The following TNIK variants were observed in gnomAD, a reference collection of about 807,000 sequenced individuals.
The protein encoded by TNIK is TRAF2 and NCK-interacting protein kinase.
A neutral mutation model predicts 191.3 loss-of-function variants in TNIK; 49 were observed. The ratio of observed to expected loss-of-function variants is 0.26; its 90% CI spans 0.20 to 0.32. The LOEUF is 0.32. Among genes scored for constraint, TNIK ranks in the 10% least tolerant of loss-of-function variants. The pLI is 1.00. For synonymous variants in TNIK, 594 were observed against 600.9 expected (o/e 0.99, Z 0.17); for missense variants, 1,155 against 1,702.3 (o/e 0.68, Z 5.66).
intron 18 of TNIK, among the ~76,000 whole-genome samples, chr3:171,113,522 C>T (rs1401408715): frequency 1.3e-5 from 2 of 151,260 alleles, no homozygotes; most frequent in Non-Finnish European, 2.9e-5. Context: ...AGGAGAATGG[C>T]GTGAATCCAG....
At chr3:171,422,030 A>G (rs1303781013) in intron 1 of TNIK, among the ~76,000 whole-genome samples, 2 of 152,160 alleles carry the variant, frequency 1.3e-5, no homozygotes, top group African/African-American at 4.8e-5. Flanking sequence ...ACGCCCGACC[A>G]GTTGTGTAAA....
At chr3:171,097,490 A>G (rs750209525) in intron 22 of TNIK, among the ~76,000 whole-genome samples, 4 of 152,306 alleles carry the variant, frequency 2.6e-5, no homozygotes, top group South Asian at 2.1e-4. Flanking sequence ...TAATCCCACG[A>G]CATGGGAGTG....
chr3:171,258,880 C>T (rs1019756713), intron 2 of TNIK, among the ~76,000 whole-genome samples: 1 of 152,108 alleles, frequency 6.6e-6, no homozygotes, highest in African/African-American at 2.4e-5. Context: ...TAATTTACTC[C>T]TTGGACTGCT....
At chr3:171,110,209 AATAT>A (rs1479205605) in intron 19 of TNIK, among the ~76,000 whole-genome samples, 6 of 152,212 alleles carry the variant, frequency 3.9e-5, no homozygotes, top group Non-Finnish European at 8.8e-5. Flanking sequence ...ACTCGGCCTA[AATAT>A]GCTTTTTAAG....
intron 1 of TNIK, among the ~76,000 whole-genome samples, chr3:171,382,487 C>T (rs1718178195): frequency 6.6e-6 from 1 of 152,154 alleles, no homozygotes; most frequent in South Asian, 2.1e-4. Flanking sequence ...TCCCAAAGTG[C>T]TGGGATTATA....
chr3:171,310,111 CCTA>C (rs67425738), intron 2 of TNIK, among the ~76,000 whole-genome samples: 54,789 of 151,760 alleles, frequency 0.36, 10,438 homozygotes, highest in Non-Finnish European at 0.42. Flanking sequence ...TTATAACATA[CCTA>C]CTTTTTTAAA....
At chr3:171,171,335 C>T (rs1735254619) in intron 9 of TNIK, among the ~76,000 whole-genome samples, 1 of 152,148 alleles carries the variant, frequency 6.6e-6, no homozygotes, top group Non-Finnish European at 1.5e-5. Context: ...AAAAGTCTGA[C>T]AACCCACCAA....
intron 7 of TNIK, among the ~76,000 whole-genome samples, chr3:171,181,515 G>A (rs1010633056): frequency 6.6e-5 from 10 of 152,264 alleles, no homozygotes; most frequent in East Asian, 1.9e-4. Flanking sequence ...CTGACTCCCC[G>A]ACAGCTAAGG....
At chr3:171,379,532 C>T (rs1205293557) in intron 1 of TNIK, among the ~76,000 whole-genome samples, 1 of 152,076 alleles carries the variant, frequency 6.6e-6, no homozygotes, top group Non-Finnish European at 1.5e-5. Flanking sequence ...ATGCACAAGC[C>T]CCAACTGTGT....
intron 1 of TNIK, among the ~76,000 whole-genome samples, chr3:171,424,095 G>A (rs951175853): frequency 8.5e-5 from 13 of 152,102 alleles, no homozygotes; most frequent in Admixed American, 1.3e-4. Context: ...CTGACAAAGG[G>A]CTAATATCCA....
intron 2 of TNIK, among the ~76,000 whole-genome samples, chr3:171,277,956 G>A (rs1415290964): frequency 6.6e-6 from 1 of 152,170 alleles, no homozygotes; most frequent in African/African-American, 2.4e-5. Flanking sequence ...TTGAGCCCAG[G>A]ATTAGAGGCT....
At chr3:171,257,637 T>C (rs138192224) in intron 2 of TNIK, among the ~76,000 whole-genome samples, 195 of 152,302 alleles carry the variant, frequency 1.3e-3, no homozygotes, top group African/African-American at 4.5e-3. Flanking sequence ...TGAGAACCCA[T>C]GCCACTTTCA....
intron 21 of TNIK, chr3:171,101,855 TAGACTG>T (rs913032564): frequency 7.7e-6 from 4 of 518,770 alleles, no homozygotes; most frequent in African/African-American, 5.8e-5. Context: ...AACCAATAGC[TAGACTG>T]AGACTGTTCA....
intron 2 of TNIK, among the ~76,000 whole-genome samples, chr3:171,272,378 A>G (rs1157076634): frequency 2.0e-5 from 3 of 152,244 alleles, no homozygotes; most frequent in South Asian, 2.1e-4. Context: ...CATTTAAATT[A>G]TGAGCTAGAG....
intron 2 of TNIK, among the ~76,000 whole-genome samples, chr3:171,254,879 G>A (rs1746656254): frequency 6.6e-6 from 1 of 152,166 alleles, no homozygotes; most frequent in African/African-American, 2.4e-5. Flanking sequence ...ATTTTTCACA[G>A]TTTTTGAATA....
intron 2 of TNIK, among the ~76,000 whole-genome samples, chr3:171,300,062 T>C (rs948606881): frequency 1.3e-5 from 2 of 152,256 alleles, no homozygotes; most frequent in Non-Finnish European, 2.9e-5. Context: ...TCAGGAATTG[T>C]GTGAGAAAGA....
At chr3:171,331,871 G>C (rs1266060583) in intron 2 of TNIK, among the ~76,000 whole-genome samples, 1 of 152,026 alleles carries the variant, frequency 6.6e-6, no homozygotes, top group Non-Finnish European at 1.5e-5. Flanking sequence ...GCTATCTCGT[G>C]ATAATATATG....
At position 171,431,318 on chromosome 3, in the gene TNIK, C is replaced by T. The variant is rs149278879; in HGVS notation, c.57+28689G>A. Among the ~76,000 whole-genome samples the T allele has an allele frequency of 2.3e-3, 344 of 152,128 alleles. 2 individuals carry two copies. The highest frequency in any genetic ancestry group is 7.7e-3 in the African/African-American group (318 of 41,514). On this transcript the variant is annotated intron_variant, in intron 1 of 32. Coordinates refer to ENST00000436636, the MANE Select transcript of TNIK (RefSeq NM_015028.4). The stretch of plus-strand genomic sequence containing the variant: ...TGGTAGCTGCTATGATAGATCTTGA[C>T]GTATTTTTATATATTTAGCGTCTTT...
intron 18 of TNIK, among the ~76,000 whole-genome samples, chr3:171,122,495 A>G (rs1304988557): frequency 6.6e-6 from 1 of 152,220 alleles, no homozygotes; most frequent in Non-Finnish European, 1.5e-5. Flanking sequence ...TGCAATTGGT[A>G]ATTCCACACA....
Sources: allele counts gnomAD v4.1 joint callset (sites outside exome capture counted in the v4.1 genomes callset), GRCh38; gene constraint gnomAD v4.1.1; transcripts MANE v1.5; gene names NCBI Gene and HGNC (gene_info 2026-07-23, HGNC 2026-07-21).